TMEM178B: variants seen among roughly 807,000 people sequenced by gnomAD.
TMEM178B encodes transmembrane protein 178B.
TMEM178B carries 5 observed loss-of-function variants against 31.0 expected under a neutral mutation model. The observed-to-expected ratio is 0.16, with a 90% CI of 0.08 to 0.34. The LOEUF is 0.34. Ranked by LOEUF, TMEM178B falls within the 10% of genes least tolerant of loss-of-function variation. The probability of loss-of-function intolerance (pLI) is 1.00; values close to 1 mark genes in which losing one functional copy is unlikely to be tolerated. For missense variants in TMEM178B, 275 were observed against 400.3 expected, an observed-to-expected ratio of 0.69 and a Z score of 2.67; for synonymous variants, 164 against 164.0, an observed-to-expected ratio of 1.00 and a Z score of 0.00.
chr7:141,168,964 C>T (rs555284927), intron 1 of TMEM178B, among the ~76,000 whole-genome samples: 1 of 152,300 alleles, frequency 6.6e-6, no homozygotes, highest in Non-Finnish European at 1.5e-5. Flanking sequence ...AAACATTTCT[C>T]ATTTCTTTGT....
At chr7:141,455,199 T>C (rs1801941774) in intron 3 of TMEM178B, among the ~76,000 whole-genome samples, 1 of 152,188 alleles carries the variant, frequency 6.6e-6, no homozygotes, top group African/African-American at 2.4e-5. Context: ...TCGTGTCCCT[T>C]CAGAAGGAGT....
At chr7:141,102,514 G>C (rs1370609835) in intron 1 of TMEM178B, among the ~76,000 whole-genome samples, 1 of 152,124 alleles carries the variant, frequency 6.6e-6, no homozygotes, top group Non-Finnish European at 1.5e-5. Context: ...CAGTGGTGTT[G>C]CCTGCTACAG....
At chr7:141,244,136 G>T (rs1319594010) in intron 2 of TMEM178B, among the ~76,000 whole-genome samples, 1 of 152,158 alleles carries the variant, frequency 6.6e-6, no homozygotes, top group Non-Finnish European at 1.5e-5. Flanking sequence ...GATAAGCATT[G>T]CATAAAGCTC....
At chr7:141,507,123 C>A in the TMEM178B span, among the ~76,000 whole-genome samples, 531 of 152,290 alleles carry the variant, frequency 3.5e-3, 5 homozygotes, top group African/African-American at 0.012. Context: ...TGAGTGTCTG[C>A]AGCTTTTCTA....
chr7:141,481,987 T>A (rs894588046), downstream of TMEM178B, among the ~76,000 whole-genome samples: 28 of 152,258 alleles, frequency 1.8e-4, no homozygotes, highest in African/African-American at 6.0e-4. Flanking sequence ...TGCCAGCAGC[T>A]CTTTGAGGCA....
At position 141,326,029 on chromosome 7, in the gene TMEM178B, A is replaced by G. The variant is rs148542666; in HGVS notation, c.497-111579A>G. ...CTAATGTAGTCAGAAAGTTTATAGA[A>G]TTCCTGAAGTACAGTTGTGAATAAC... On this transcript the variant is annotated intron_variant, in intron 2 of 3. Coordinates refer to ENST00000565468, the MANE Select transcript of TMEM178B (RefSeq NM_001195278.2). 4.0e-3 allele frequency among the ~76,000 whole-genome samples: 606 copies of G among 152,350 alleles called. 2 individuals carry two copies. Among genetic ancestry groups the G allele is most frequent in the African/African-American group, 0.014 (579 of 41,578 alleles).
chr7:141,442,946 TG>T (rs1384066432), intron 3 of TMEM178B, among the ~76,000 whole-genome samples: 1 of 152,228 alleles, frequency 6.6e-6, no homozygotes, highest in Non-Finnish European at 1.5e-5. Flanking sequence ...AGGCGTCAGC[TG>T]GGGCTGGGTT....
intron 1 of TMEM178B, among the ~76,000 whole-genome samples, chr7:141,194,246 C>T (rs986024236): frequency 6.6e-6 from 1 of 152,086 alleles, no homozygotes; most frequent in Non-Finnish European, 1.5e-5. Context: ...CAGCAATTAC[C>T]CAAAAGTCCA....
chr7:141,460,481 A>G (rs1802041657), intron 3 of TMEM178B, among the ~76,000 whole-genome samples: 1 of 152,256 alleles, frequency 6.6e-6, no homozygotes, highest in South Asian at 2.1e-4. Context: ...TAGGGTTTCA[A>G]CGTGAATTTT....
At chr7:141,159,326 G>A (rs1464517030) in intron 1 of TMEM178B, among the ~76,000 whole-genome samples, 1 of 152,152 alleles carries the variant, frequency 6.6e-6, no homozygotes, top group Non-Finnish European at 1.5e-5. Flanking sequence ...GCTCAAAACT[G>A]TCAAATGACC....
At position 141,359,170 on chromosome 7, in the gene TMEM178B, GA is replaced by G. The variant is rs1465584044; in HGVS notation, c.497-78432del. ...ACTAGCATCTAAAAAAGAAAAAAGG[GA>G]AAAAATACCTTTTCACTCAGTGTTT... On this transcript the variant is annotated intron_variant, in intron 2 of 3. Transcript: ENST00000565468. 5.3e-5 allele frequency among the ~76,000 whole-genome samples: 8 copies of G among 152,244 alleles called. No homozygotes were observed. The East Asian group carries it at 1.2e-3, about 22-fold the overall frequency.
intron 1 of TMEM178B, among the ~76,000 whole-genome samples, chr7:141,149,035 G>A (rs1026355516): frequency 6.6e-6 from 1 of 152,156 alleles, no homozygotes; most frequent in Non-Finnish European, 1.5e-5. Context: ...GGTTGGGAGA[G>A]GCTGTGAGGA....
chr7:141,137,160 TA>T (rs1410518708), intron 1 of TMEM178B, among the ~76,000 whole-genome samples: 5 of 152,084 alleles, frequency 3.3e-5, no homozygotes, highest in African/African-American at 1.2e-4. Context: ...TGGAGGTTTT[TA>T]AAAAAACTTA....
At chr7:141,239,881 T>A (rs1027960061) in intron 2 of TMEM178B, among the ~76,000 whole-genome samples, 12 of 152,032 alleles carry the variant, frequency 7.9e-5, no homozygotes, top group African/African-American at 2.9e-4. Context: ...GAGCTGAAGT[T>A]GGTCACTTGA....
At chr7:141,381,577 T>C (rs1416360899) in intron 2 of TMEM178B, among the ~76,000 whole-genome samples, 1 of 152,184 alleles carries the variant, frequency 6.6e-6, no homozygotes, top group East Asian at 1.9e-4. Flanking sequence ...ACCAACCTTA[T>C]TTGATTAGGA....
intron 2 of TMEM178B, among the ~76,000 whole-genome samples, chr7:141,336,561 G>T (rs1799391637): frequency 6.6e-6 from 1 of 151,984 alleles, no homozygotes; most frequent in African/African-American, 2.4e-5. Context: ...TAGAACCAAT[G>T]TTGTAAAGTT....
intron 1 of TMEM178B, among the ~76,000 whole-genome samples, chr7:141,163,319 A>G (rs1796206375): frequency 6.6e-6 from 1 of 152,360 alleles, no homozygotes; most frequent in East Asian, 1.9e-4. Context: ...TGGAACTGGC[A>G]TACTGTCACT....
At chr7:141,280,248 T>C (rs1277406853) in intron 2 of TMEM178B, among the ~76,000 whole-genome samples, 2 of 152,150 alleles carry the variant, frequency 1.3e-5, no homozygotes, top group Admixed American at 1.3e-4. Flanking sequence ...CCCTGGCTCT[T>C]GACTACCCAA....
At chr7:141,105,350 A>G (rs1214368801) in intron 1 of TMEM178B, among the ~76,000 whole-genome samples, 1 of 152,114 alleles carries the variant, frequency 6.6e-6, no homozygotes, top group Admixed American at 6.5e-5. Context: ...TCTACTAAAA[A>G]TACAAAAATT....
Sources: gnomAD v4.1 joint callset for allele counts (sites outside exome capture counted in the v4.1 genomes callset) on GRCh38, gnomAD v4.1.1 for gene constraint, MANE v1.5 for transcripts, NCBI Gene and HGNC (gene_info 2026-07-23, HGNC 2026-07-21) for gene names.